Variants in TOP2B observed in about 807,000 individuals in gnomAD.
TOP2B encodes the protein DNA topoisomerase 2-beta.
TOP2B carries 51 observed loss-of-function variants against 193.5 expected under a neutral mutation model. The ratio of observed to expected loss-of-function variants is 0.26; its 90% CI spans 0.21 to 0.33. The LOEUF (loss-of-function observed/expected upper bound fraction) is 0.33. Among genes scored for constraint, TOP2B ranks in the 10% least tolerant of loss-of-function variants. The pLI is 1.00. For synonymous variants in TOP2B, 634 were observed against 635.7 expected (o/e 1.00, Z 0.04); for missense variants, 1,378 against 1,909.3 (o/e 0.72, Z 5.19).
chr3:25,647,820 T>C (rs1258598038), intron 1 of TOP2B, among the ~76,000 whole-genome samples: 1 of 151,948 alleles, frequency 6.6e-6, no homozygotes, highest in Non-Finnish European at 1.5e-5. Context: ...AGATAATGTC[T>C]AAAAAAAACA....
Position 25,627,309 on chromosome 3 carries a change from A to T in TOP2B, c.1907-13T>A, listed in dbSNP as rs1216190482. ...CTAGTACCCAATCCTGCACAATTTT[A>T]AAAATAAAAGTGAGTCATGAATATC... is the stretch of plus-strand genomic sequence containing the variant. On this transcript the variant is annotated splice_polypyrimidine_tract_variant and intron_variant, in intron 15 of 35. Coordinates refer to ENST00000264331, the MANE Select transcript of TOP2B (RefSeq NM_001330700.2). The T allele has an allele frequency of 9.8e-6, 15 of 1,526,022 alleles. No homozygotes were observed. The highest frequency in any genetic ancestry group is 1.3e-5 in the Non-Finnish European group (15 of 1,130,608). 94.5% of individuals were successfully genotyped at this position (1,526,022 alleles called of 1,614,324 possible). A position where few individuals can be genotyped will look rare whatever the true frequency, so the allele number is the denominator to read the frequency against.
intron 28 of TOP2B, among the ~76,000 whole-genome samples, chr3:25,610,544 A>C (rs1229292189): frequency 6.6e-6 from 1 of 152,230 alleles, no homozygotes; most frequent in Non-Finnish European, 1.5e-5. Flanking sequence ...CAGGAATTAA[A>C]TGTTTAAAGA....
In TOP2B at chr3:25,598,071, C is replaced by T. The variant is rs543055203; in HGVS notation, c.*236G>A. On this transcript the variant is annotated 3_prime_UTR_variant, in exon 36 of 36. Coordinates refer to ENST00000264331, the MANE Select transcript of TOP2B (RefSeq NM_001330700.2). ...GACAATTAAAATCTGTGCTAATGCA[C>T]GGCAGTCTATAACAATTCTACAAGC... 3 of 323,518 alleles carry T rather than the reference C, an allele frequency of 9.3e-6. No homozygotes were observed. The highest frequency in any genetic ancestry group is 9.7e-5 in the Admixed American group (2 of 20,704). The allele number at this position is 323,518 out of a possible 1,614,324, so 20.0% of individuals were successfully genotyped here.
At position 25,632,738 on chromosome 3, in the gene TOP2B, T is replaced by A; in HGVS notation, c.1083A>T (p.Val361=). The change falls in exon 9 of 36, where the codon GTA becomes GTT. Residue 361 remains valine, a synonymous_variant. Transcript: ENST00000264331. ...VDQVVGKLIE[V]VKKKNKAGVS... ...CACCAGCTTTGTTCTTTTTCTTAAC[T>A]ACTTCAATCAGTTTACCAACAACTT... 1.2e-6 allele frequency: 2 copies of A among 1,613,314 alleles called. No homozygotes were observed. The highest frequency in any genetic ancestry group is 1.7e-6 in the Non-Finnish European group (2 of 1,179,444).
chr3:25,657,443 T>C (rs1703778073), intron 1 of TOP2B, among the ~76,000 whole-genome samples: 1 of 152,184 alleles, frequency 6.6e-6, no homozygotes, highest in African/African-American at 2.4e-5. Flanking sequence ...TTAAAAAAAA[T>C]GTCACCCTGG....
chr3:25,632,993 C>T (rs11709485), intron 8 of TOP2B, among the ~76,000 whole-genome samples, 199 bp from the exon 9 acceptor site: 49,622 of 151,858 alleles, frequency 0.33, 8,690 homozygotes, highest in African/African-American at 0.45. Context: ...TGTTTGTTTG[C>T]TTTCCTCACT....
chr3:25,655,237 T>C (rs772438236), intron 1 of TOP2B, among the ~76,000 whole-genome samples: 8 of 152,188 alleles, frequency 5.3e-5, no homozygotes, highest in African/African-American at 1.4e-4. Flanking sequence ...AGGATTTCAA[T>C]AGACAATTCT....
At chr3:25,642,223 A>T in intron 4 of TOP2B, 99 bp downstream of exon 4, 1 of 599,162 alleles carries the variant, frequency 1.7e-6, no homozygotes, top group Non-Finnish European at 2.8e-6. Flanking sequence ...GGAAACTTTA[A>T]AAGAGTACTA....
chr3:25,615,576 T>C lies in TOP2B; in HGVS notation c.3362A>G (p.Glu1121Gly), dbSNP rs1426286180. The C allele has an allele frequency of 1.9e-6, 3 of 1,544,392 alleles. No individual in the cohort carries two copies. Among genetic ancestry groups the C allele is most frequent in the Non-Finnish European group, 2.6e-6 (3 of 1,148,304 alleles). ...WKEAQEKAAE[E>G]DETQNQHDDS... is the part of the protein sequence containing the mutation. ...ATCATGCTGGTTTTGTGTTTCATCC[T>C]CTTCTGCTGCCTGTAAAAAATAACA... is the stretch of plus-strand genomic sequence containing the variant. Residue 1121 changes from glutamate to glycine, a missense_variant, in exon 26 of 36, where the codon GAG becomes GGG. Physicochemically the swap from Glu to Gly is moderately conservative, Grantham distance 98. Transcript: ENST00000264331.
chr3:25,632,402 C>G, intron 10 of TOP2B, 44 bp downstream of exon 10: 1 of 1,464,886 alleles, frequency 6.8e-7, no homozygotes, highest in Non-Finnish European at 9.2e-7. Flanking sequence ...ACTACCTAAT[C>G]AACTCTTAAT....
chr3:25,660,397 A>G (rs527284561), intron 1 of TOP2B, among the ~76,000 whole-genome samples: 1 of 152,228 alleles, frequency 6.6e-6, no homozygotes, highest in African/African-American at 2.4e-5. Flanking sequence ...TACATAAAAA[A>G]TAAAGACTTC....
chr3:25,640,712 C>G (rs142831326), intron 4 of TOP2B, among the ~76,000 whole-genome samples: 93 of 150,902 alleles, frequency 6.2e-4, no homozygotes, highest in African/African-American at 2.0e-3. Flanking sequence ...GAGCCCTTAT[C>G]CAGTCTACAG....
At chr3:25,601,265 C>A (rs991882426) in intron 33 of TOP2B, 40 bp from the exon 34 acceptor site, 2 of 1,586,144 alleles carry the variant, frequency 1.3e-6, no homozygotes, top group Non-Finnish European at 1.7e-6. Context: ...AATATACTTA[C>A]CAACAAACCA....
chr3:25,647,725 C>A (rs1253218795), intron 1 of TOP2B, among the ~76,000 whole-genome samples: 2 of 152,156 alleles, frequency 1.3e-5, no homozygotes, highest in Non-Finnish European at 1.5e-5. Flanking sequence ...TGCACCTCTT[C>A]CCAAATGGAT....
intron 7 of TOP2B, among the ~76,000 whole-genome samples, chr3:25,634,533 C>A (rs1703047937): frequency 6.6e-6 from 1 of 151,992 alleles, no homozygotes; most frequent in Non-Finnish European, 1.5e-5. Flanking sequence ...GAACTTTAAA[C>A]TAGAAATTTT....
intron 6 of TOP2B, among the ~76,000 whole-genome samples, chr3:25,637,002 CT>C (rs1703122665): frequency 6.6e-6 from 1 of 151,784 alleles, no homozygotes; most frequent in Admixed American, 6.6e-5. Context: ...AAATAAAGCA[CT>C]TTGTTTGAAA....
chr3:25,655,421 T>G (rs1575588543), intron 1 of TOP2B, among the ~76,000 whole-genome samples: 1 of 152,254 alleles, frequency 6.6e-6, no homozygotes, highest in East Asian at 1.9e-4. Flanking sequence ...ACACTGTTGG[T>G]GAGAATATAA....
At chr3:25,635,342 A>G (rs1335973818) in intron 7 of TOP2B, among the ~76,000 whole-genome samples, 1 of 152,182 alleles carries the variant, frequency 6.6e-6, no homozygotes, top group East Asian at 1.9e-4. Flanking sequence ...GCCAAAAGAC[A>G]AGAAAAAAAC....
chr3:25,613,105 G>T (rs1702418643), intron 27 of TOP2B, among the ~76,000 whole-genome samples: 1 of 151,900 alleles, frequency 6.6e-6, no homozygotes, highest in Admixed American at 6.6e-5. Context: ...TATTGCTTTA[G>T]TCGTAATAGA....
Sources: allele counts gnomAD v4.1 joint callset (sites outside exome capture counted in the v4.1 genomes callset), GRCh38; gene constraint gnomAD v4.1.1; transcripts MANE v1.5; gene names NCBI Gene and HGNC (gene_info 2026-07-23, HGNC 2026-07-21).